Variants in RIMS1 observed in about 807,000 individuals in gnomAD.
RIMS1 encodes the protein regulating synaptic membrane exocytosis 1, also known as regulating synaptic membrane exocytosis protein 1.
In RIMS1, 83 loss-of-function variants were observed where a neutral mutation model predicts 214.1. That is an observed-to-expected ratio of 0.39 (90% CI 0.32 to 0.47). The LOEUF is 0.47. Among genes scored for constraint, RIMS1 ranks in the 20% least tolerant of loss-of-function variants. The pLI, the probability that RIMS1 is intolerant of heterozygous loss-of-function variation, is 0.99. For missense variants in RIMS1, 2,050 were observed against 2,161.8 expected, an observed-to-expected ratio of 0.95 and a Z score of 1.03; for synonymous variants, 793 against 786.8, an observed-to-expected ratio of 1.01 and a Z score of -0.13.
At chr6:72,173,472 A>T (rs1429180905) in intron 4 of RIMS1, among the ~76,000 whole-genome samples, 2 of 148,788 alleles carry the variant, frequency 1.3e-5, no homozygotes, top group African/African-American at 2.5e-5. Flanking sequence ...TTATCTCTCT[A>T]ACGTTTTATC....
chr6:72,200,857 T>TTTGTGTG lies in RIMS1; in HGVS notation c.1678+17709_1678+17710insTGTGTGT, dbSNP rs1281701485. 6.2e-3 allele frequency among the ~76,000 whole-genome samples: 907 copies of TTTGTGTG among 146,254 alleles called. 2 individuals are homozygous for TTTGTGTG. The highest frequency in any genetic ancestry group is 8.9e-3 in the Non-Finnish European group (593 of 66,356). ...TTGAGAAGAGATTGAAAGGACACAA[T>TTTGTGTG]TGTGTGTGTGTGTGTGTGTGTGTGT... On this transcript the variant is annotated intron_variant, in intron 6 of 33. Coordinates refer to ENST00000521978, the MANE Select transcript of RIMS1 (RefSeq NM_014989.7).
intron 1 of RIMS1, among the ~76,000 whole-genome samples, chr6:71,908,877 CAA>C (rs887982083): frequency 1.4e-4 from 22 of 152,082 alleles, no homozygotes; most frequent in African/African-American, 4.8e-4. Flanking sequence ...GTTTGTTTTG[CAA>C]AGAGTATGTA....
intron 4 of RIMS1, among the ~76,000 whole-genome samples, chr6:72,141,279 A>G (rs999070234): frequency 6.6e-6 from 1 of 152,050 alleles, no homozygotes; most frequent in Non-Finnish European, 1.5e-5. Flanking sequence ...ACATAGTGCC[A>G]GACAGTTGAG....
At chr6:72,292,305 C>G (rs995916270) in intron 26 of RIMS1, among the ~76,000 whole-genome samples, 1 of 151,984 alleles carries the variant, frequency 6.6e-6, no homozygotes, top group Admixed American at 6.6e-5. Context: ...CTAGAAACAT[C>G]TTATTCCAAA....
At position 72,258,213 on chromosome 6, in the gene RIMS1, A is replaced by C. The variant is rs768201322; in HGVS notation, c.2859A>C (p.Ser953=). ...QQRTTHHRSR[S]VSPHRGNDQG... ...GAACAACTCATCACCGCTCACGTTC[A>C]GTATCTCCTCATCGCGGCAATGATC... Residue 953 remains serine (S), a synonymous_variant, in exon 17 of 34, where the codon TCA becomes TCC. Transcript: ENST00000521978. The C allele has an allele frequency of 2.5e-6, 4 of 1,613,500 alleles. No homozygotes were observed. Among genetic ancestry groups the C allele is most frequent in the Non-Finnish European group, 3.4e-6 (4 of 1,179,592 alleles).
chr6:72,070,294 T>C (rs1300424856), intron 2 of RIMS1, among the ~76,000 whole-genome samples: 1 of 152,202 alleles, frequency 6.6e-6, no homozygotes, highest in Non-Finnish European at 1.5e-5. Flanking sequence ...ATATTTCATA[T>C]TTCCTTTTAT....
chr6:72,224,231 G>A (rs2059504816), intron 6 of RIMS1, among the ~76,000 whole-genome samples: 1 of 152,174 alleles, frequency 6.6e-6, no homozygotes, highest in Admixed American at 6.5e-5. Flanking sequence ...TTGATGGTGG[G>A]AATTAATTCG....
At chr6:72,380,151 A>G (rs1215703535) in intron 29 of RIMS1, among the ~76,000 whole-genome samples, 1 of 152,162 alleles carries the variant, frequency 6.6e-6, no homozygotes, top group Non-Finnish European at 1.5e-5. Context: ...GCAAGGATAG[A>G]AAACCAAACA....
chr6:72,304,777 AAG>A (rs1245445270), intron 26 of RIMS1, among the ~76,000 whole-genome samples: 1 of 151,966 alleles, frequency 6.6e-6, no homozygotes, highest in Non-Finnish European at 1.5e-5. Flanking sequence ...GTACTAAAAA[AAG>A]TGTGTGATAT....
chr6:72,020,969 A>G (rs567359762), intron 2 of RIMS1, among the ~76,000 whole-genome samples: 19 of 152,324 alleles, frequency 1.2e-4, no homozygotes, highest in African/African-American at 4.6e-4. Context: ...TGATTACTGT[A>G]TCTGTTTTAT....
intron 28 of RIMS1, among the ~76,000 whole-genome samples, chr6:72,319,572 A>T (rs1323832230): frequency 6.6e-6 from 1 of 152,134 alleles, no homozygotes; most frequent in Non-Finnish European, 1.5e-5. Context: ...CTCAGATGTG[A>T]ATCTTTGGTT....
At chr6:72,152,927 A>G (rs1222267099) in intron 4 of RIMS1, among the ~76,000 whole-genome samples, 1 of 141,360 alleles carries the variant, frequency 7.1e-6, no homozygotes, top group Non-Finnish European at 1.5e-5. Flanking sequence ...ATATATGTAT[A>G]TATATGGAAT....
intron 2 of RIMS1, among the ~76,000 whole-genome samples, chr6:72,017,969 A>G (rs1327164408): frequency 6.6e-6 from 1 of 152,220 alleles, no homozygotes; most frequent in Non-Finnish European, 1.5e-5. Flanking sequence ...TCAAAGTGGC[A>G]GATCTTTATT....
chr6:72,265,293 A>G (rs2079977123), intron 20 of RIMS1, 97 bp from the exon 21 acceptor site: 2 of 725,036 alleles, frequency 2.8e-6, no homozygotes, highest in Admixed American at 5.9e-5. Flanking sequence ...CTCAAATGTC[A>G]GAATTCTAGT....
At chr6:71,918,361 G>C (rs1237516234) in intron 1 of RIMS1, among the ~76,000 whole-genome samples, 5 of 152,128 alleles carry the variant, frequency 3.3e-5, no homozygotes, top group Non-Finnish European at 7.4e-5. Context: ...CCTGCCAGAT[G>C]CTTCTGAGGA....
intron 2 of RIMS1, among the ~76,000 whole-genome samples, chr6:71,969,637 C>T (rs916082143): frequency 2.6e-5 from 4 of 151,976 alleles, no homozygotes; most frequent in African/African-American, 4.8e-5. Flanking sequence ...GGTGAAACCC[C>T]GTCTCTACTA....
At chr6:72,125,810 T>C (rs1246499325) in intron 4 of RIMS1, among the ~76,000 whole-genome samples, 1 of 152,152 alleles carries the variant, frequency 6.6e-6, no homozygotes, top group Non-Finnish European at 1.5e-5. Flanking sequence ...TGGGATATAA[T>C]CTCCTGGTGT....
rs182903181 is a variant in RIMS1 at position 72,015,305 on chromosome 6, G to T, written c.245+46242G>T. 5.5e-3 allele frequency among the ~76,000 whole-genome samples: 838 copies of T among 152,216 alleles called. 7 individuals carry two copies. Among genetic ancestry groups the T allele is most frequent in the African/African-American group, 0.019 (800 of 41,546 alleles). On this transcript the variant is annotated intron_variant, in intron 2 of 33. Coordinates refer to ENST00000521978, the MANE Select transcript of RIMS1 (RefSeq NM_014989.7). Reference sequence around the variant, plus strand: ...GGTGCTCAAAAAGTTTTTGATTTTTGAGCATTTTGAATCTTGAATTTTTGG... The same window carrying T: ...GGTGCTCAAAAAGTTTTTGATTTTTTAGCATTTTGAATCTTGAATTTTTGG...
chr6:71,983,790 G>C (rs1490819973), intron 2 of RIMS1, among the ~76,000 whole-genome samples: 1 of 152,118 alleles, frequency 6.6e-6, no homozygotes, highest in Non-Finnish European at 1.5e-5. Flanking sequence ...TAAATTTTAA[G>C]TACAAATATG....
Sources: gnomAD v4.1 joint callset for allele counts (sites outside exome capture counted in the v4.1 genomes callset) on GRCh38, gnomAD v4.1.1 for gene constraint, MANE v1.5 for transcripts, NCBI Gene and HGNC (gene_info 2026-07-23, HGNC 2026-07-21) for gene names.